The following NSUN6 variants were observed in gnomAD, a reference collection of about 807,000 sequenced individuals.
NSUN6 encodes the protein NOP2/Sun RNA methyltransferase 6, also known as tRNA (cytosine(72)-C(5))-methyltransferase NSUN6.
In NSUN6, 64 loss-of-function variants were observed where a neutral mutation model predicts 58.0. The observed-to-expected ratio is 1.10, with a 90% CI of 0.90 to 1.36. The LOEUF is 1.36. Among genes scored for constraint, NSUN6 ranks in the 40% most tolerant of loss-of-function variants. The pLI is 0.00. For synonymous variants in NSUN6, 231 were observed against 193.9 expected (o/e 1.19, Z -1.59); for missense variants, 701 against 550.1 (o/e 1.27, Z -2.74).
chr10:18,571,397 C>T (rs1295827131), intron 8 of NSUN6, among the ~76,000 whole-genome samples: 3 of 150,864 alleles, frequency 2.0e-5, no homozygotes, highest in African/African-American at 7.3e-5. Flanking sequence ...TTCCATTCTA[C>T]ATTCCATTCC....
intron 8 of NSUN6, among the ~76,000 whole-genome samples, chr10:18,557,448 A>G (rs1045528764): frequency 3.3e-5 from 5 of 151,156 alleles, no homozygotes; most frequent in African/African-American, 1.2e-4. Flanking sequence ...AATGAAATGG[A>G]ATGGAGAATG....
chr10:18,595,058 G>A (rs2057532727), intron 7 of NSUN6, among the ~76,000 whole-genome samples: 2 of 152,136 alleles, frequency 1.3e-5, no homozygotes, highest in Admixed American at 1.3e-4. Flanking sequence ...CCAGAGGCAG[G>A]GCATCCCTGT....
At chr10:18,562,166 T>C (rs2055562609) in intron 8 of NSUN6, among the ~76,000 whole-genome samples, 2 of 144,506 alleles carry the variant, frequency 1.4e-5, no homozygotes, top group Non-Finnish European at 1.5e-5. Context: ...TGGAATAGAA[T>C]GGAGAATGGA....
At chr10:18,609,813 T>C (rs372850499) in intron 6 of NSUN6, 32 bp downstream of exon 6, 73 of 1,120,580 alleles carry the variant, frequency 6.5e-5, no homozygotes, top group Non-Finnish European at 9.1e-5. Context: ...TGTTTCAATG[T>C]CACTAAATAT....
At chr10:18,547,741 T>C (rs556230968) in intron 10 of NSUN6, among the ~76,000 whole-genome samples, 2 of 152,276 alleles carry the variant, frequency 1.3e-5, no homozygotes, top group Admixed American at 6.5e-5. Flanking sequence ...TGAGCTTTGA[T>C]GTGACATGAG....
intron 6 of NSUN6, among the ~76,000 whole-genome samples, chr10:18,598,695 G>C (rs762847902): frequency 5.3e-5 from 8 of 152,062 alleles, no homozygotes; most frequent in Non-Finnish European, 1.2e-4. Flanking sequence ...GATGGTCCTG[G>C]GCTCAGGTGA....
At chr10:18,624,647 C>CAGAAA (rs549153356) in intron 3 of NSUN6, among the ~76,000 whole-genome samples, 1 of 77,074 alleles carries the variant, frequency 1.3e-5, no homozygotes, top group Non-Finnish European at 2.3e-5. Flanking sequence ...GACTCTGTCT[C>CAGAAA]AAAAAAAAAA....
rs534220066 is a variant in NSUN6, at chr10:18,587,757, C to T, written c.778-1664G>A. Among the ~76,000 whole-genome samples the T allele has an allele frequency of 1.1e-3, 173 of 152,254 alleles. 1 individual carries two copies. The highest frequency in any genetic ancestry group is 3.9e-3 in the African/African-American group (162 of 41,560). The stretch of plus-strand genomic sequence containing the variant: ...ACTGTGCTACCCAGGCTGGGTACTA[C>T]GCTTTTCCCATGGTTTTTGCAATCC... On this transcript the variant is annotated intron_variant, in intron 7 of 10. Transcript: ENST00000377304.
rs558092099 is a variant in NSUN6 at position 18,605,547 on chromosome 10, A to G, written c.657+4298T>C. The stretch of plus-strand genomic sequence containing the variant: ...AGGAGCAGGATTTGAATGATTTTTT[A>G]AAATGTCTCCCCACAGACTGGTTAT... On this transcript the variant is annotated intron_variant, in intron 6 of 10. Coordinates refer to ENST00000377304, the MANE Select transcript of NSUN6 (RefSeq NM_182543.5). 2.6e-5 allele frequency among the ~76,000 whole-genome samples: 4 copies of G among 152,316 alleles called. No homozygotes were observed. In the South Asian group the frequency reaches 8.3e-4, roughly 32 times the overall value.
At chr10:18,640,193 A>G (rs1307719919) in intron 3 of NSUN6, among the ~76,000 whole-genome samples, 1 of 152,242 alleles carries the variant, frequency 6.6e-6, no homozygotes, top group Non-Finnish European at 1.5e-5. Flanking sequence ...TCTATTTTCT[A>G]AAAATGAGTA....
At chr10:18,578,064 A>G (rs1041908447) in intron 8 of NSUN6, among the ~76,000 whole-genome samples, 4 of 152,156 alleles carry the variant, frequency 2.6e-5, no homozygotes, top group African/African-American at 9.7e-5. Flanking sequence ...AGAAAATTGT[A>G]TATTCGAGTG....
At chr10:18,575,618 AAAG>A (rs527584140) in intron 8 of NSUN6, among the ~76,000 whole-genome samples, 167 of 152,316 alleles carry the variant, frequency 1.1e-3, no homozygotes, top group African/African-American at 3.9e-3. Context: ...GGGAGAGTAG[AAAG>A]AATGAATCAG....
At chr10:18,574,270 C>T (rs11014961) in intron 8 of NSUN6, among the ~76,000 whole-genome samples, 3 of 152,086 alleles carry the variant, frequency 2.0e-5, no homozygotes, top group African/African-American at 4.8e-5. Context: ...AGAGCAAGCA[C>T]GCCTCACCAA....
At chr10:18,574,516 G>A (rs1448859016) in intron 8 of NSUN6, among the ~76,000 whole-genome samples, 2 of 152,076 alleles carry the variant, frequency 1.3e-5, no homozygotes, top group East Asian at 3.9e-4. Context: ...AGACTGGATG[G>A]CACTTATTCA....
intron 3 of NSUN6, among the ~76,000 whole-genome samples, chr10:18,630,825 C>T (rs2059004480): frequency 6.6e-6 from 1 of 152,118 alleles, no homozygotes; most frequent in Non-Finnish European, 1.5e-5. Flanking sequence ...ACCAGAGGTA[C>T]AAGGAGGAAC....
intron 3 of NSUN6, among the ~76,000 whole-genome samples, chr10:18,633,369 T>C (rs1298343048): frequency 1.3e-5 from 2 of 151,676 alleles, no homozygotes; most frequent in Non-Finnish European, 2.9e-5. Flanking sequence ...CATATGTAAC[T>C]AACCTGCACA....
chr10:18,625,765 G>A (rs369010038), intron 3 of NSUN6, among the ~76,000 whole-genome samples: 1 of 134,234 alleles, frequency 7.4e-6, no homozygotes. Flanking sequence ...GAACTAAGAG[G>A]AAATAATCAA....
chr10:18,631,987 C>G (rs1420076620), intron 3 of NSUN6, among the ~76,000 whole-genome samples: 1 of 152,070 alleles, frequency 6.6e-6, no homozygotes, highest in Non-Finnish European at 1.5e-5. Context: ...AGGCATCACA[C>G]TACCTGACTT....
intron 8 of NSUN6, among the ~76,000 whole-genome samples, chr10:18,574,230 A>G (rs2056538596): frequency 6.6e-6 from 1 of 152,130 alleles, no homozygotes; most frequent in South Asian, 2.1e-4. Context: ...AGTCGAAGAA[A>G]GCAGAAAGTT....
Sources: allele counts gnomAD v4.1 joint callset (sites outside exome capture counted in the v4.1 genomes callset), GRCh38; gene constraint gnomAD v4.1.1; transcripts MANE v1.5; gene names NCBI Gene and HGNC (gene_info 2026-07-23, HGNC 2026-07-21).